The following MBP variants were observed in gnomAD, a reference collection of about 807,000 sequenced individuals.
MBP encodes the protein Golli-MBP.
In MBP, 16 loss-of-function variants were observed where a neutral mutation model predicts 35.8. The observed-to-expected ratio is 0.45, with a 90% confidence interval of 0.30 to 0.68. The LOEUF (loss-of-function observed/expected upper bound fraction) is 0.68. MBP is among the 30% of genes least tolerant of loss of function. MBP has a pLI of 0.08. For missense variants in MBP, 380 were observed against 404.7 expected (o/e 0.94, Z 0.52); for synonymous variants, 143 against 159.6 (o/e 0.90, Z 0.78).
rs60600826 is a variant in MBP at position 77,084,431 on chromosome 18, C to CACACACACACACACACACACACA, written c.52-18047_52-18046insTGTGTGTGTGTGTGTGTGTGTGT. Among the ~76,000 whole-genome samples the CACACACACACACACACACACACA allele has an allele frequency of 3.3e-4, 35 of 105,886 alleles. 1 individual carries two copies. Among genetic ancestry groups the CACACACACACACACACACACACA allele is most frequent in the Non-Finnish European group, 5.0e-4 (25 of 50,314 alleles). 69.5% of individuals were successfully genotyped at this position (105,886 alleles called of 152,430 possible). A position where few individuals can be genotyped will look rare whatever the true frequency, so the allele number is the denominator to read the frequency against. ...ACACCGCCCCCCCCGCCACACCACACCACACACACACACACACACACACAC... is the reference window on the plus strand; with the variant it reads ...ACACCGCCCCCCCCGCCACACCACACACACACACACACACACACACACACACACACACACACACACACACACAC... On this transcript the variant is annotated intron_variant, in intron 2 of 8. Transcript: ENST00000355994.
intron 4 of MBP, among the ~76,000 whole-genome samples, chr18:76,999,065 C>T (rs1355188398): frequency 2.6e-5 from 4 of 151,716 alleles, no homozygotes; most frequent in African/African-American, 9.7e-5. Flanking sequence ...GGGGAGTGGG[C>T]ACTTATCATT....
At position 77,101,340 on chromosome 18, in the gene MBP, G is replaced by C. The variant is rs1389918946; in HGVS notation, c.51+3871C>G. Among the ~76,000 whole-genome samples the C allele has an allele frequency of 6.6e-6, 1 of 152,218 alleles. No individual in the cohort carries two copies. The highest frequency in any genetic ancestry group is 1.5e-5 in the Non-Finnish European group (1 of 68,024). On this transcript the variant is annotated intron_variant, in intron 2 of 8. Coordinates refer to ENST00000355994, the MANE Select transcript of MBP (RefSeq NM_001025101.2). The surrounding 1 kb of genome is among the most constrained non-coding windows in gnomAD (Gnocchi z 4.3). ...GAAAGCTGGTAAATTAGTGAGGCAG[G>C]ACCATTTGGAAACCAAATTTCCCTG...
At chr18:77,038,281 T>C (rs1972854937) in intron 3 of MBP, among the ~76,000 whole-genome samples, 2 of 152,246 alleles carry the variant, frequency 1.3e-5, no homozygotes, top group South Asian at 4.1e-4. Context: ...GGGCAAGTTC[T>C]GCAATAATTC....
intron 1 of MBP, among the ~76,000 whole-genome samples, chr18:77,117,296 G>A (rs1451985619): frequency 6.6e-6 from 1 of 152,212 alleles, no homozygotes; most frequent in African/African-American, 2.4e-5. Context: ...CATGCATGGT[G>A]TATGTTATGA....
In MBP at chr18:77,045,404, G is replaced by GT. The variant is rs1390374482; in HGVS notation, c.139+20893_139+20894insA. Among the ~76,000 whole-genome samples, 7 of 151,044 alleles carry GT rather than the reference G, an allele frequency of 4.6e-5. 1 individual carries two copies. In the East Asian group the frequency reaches 5.8e-4, roughly 13 times the overall value. On this transcript the variant is annotated intron_variant, in intron 3 of 8. Transcript: ENST00000355994. ...CAGCACCTGCCTGCACCAGGTCAGG[G>GT]CCTCTGGAGCCTGGCTGCCAGCAGA...
At chr18:77,116,691 T>C (rs986048692) in intron 1 of MBP, among the ~76,000 whole-genome samples, 1 of 152,168 alleles carries the variant, frequency 6.6e-6, no homozygotes, top group East Asian at 1.9e-4. Flanking sequence ...AAACCCCGTC[T>C]CTGCTAAAAA....
At chr18:77,061,289 G>C (rs1973967645) in intron 3 of MBP, among the ~76,000 whole-genome samples, 1 of 152,204 alleles carries the variant, frequency 6.6e-6, no homozygotes, top group Non-Finnish European at 1.5e-5. Context: ...CTTTGTCTGT[G>C]ATAAAAATTT....
Position 77,052,122 on chromosome 18 carries a change from C to G in MBP, c.139+14176G>C, listed in dbSNP as rs549208282. ...TGCCCTCTGAGCCAGAGTCTTCCTC[C>G]GATGTGCCCAAGTCCACCCGACCAG... is the stretch of plus-strand genomic sequence containing the variant. On this transcript the variant is annotated intron_variant, in intron 3 of 8. Transcript: ENST00000355994. Among the ~76,000 whole-genome samples, 3 of 152,274 alleles carry G rather than the reference C, an allele frequency of 2.0e-5. 1 individual carries two copies. The highest frequency in any genetic ancestry group is 7.2e-5 in the African/African-American group (3 of 41,544).
intron 4 of MBP, among the ~76,000 whole-genome samples, chr18:76,997,948 C>T (rs1970402118): frequency 6.6e-6 from 1 of 152,002 alleles, no homozygotes; most frequent in East Asian, 1.9e-4. Context: ...TCCCAAAGTG[C>T]TGGGATTACA....
intron 2 of MBP, among the ~76,000 whole-genome samples, chr18:77,094,769 G>A (rs747830854): frequency 1.3e-5 from 2 of 152,224 alleles, no homozygotes; most frequent in East Asian, 1.9e-4. Flanking sequence ...CCAGCACACA[G>A]GAGAGCTCTG....
chr18:77,122,577 C>T (rs568063942), intron 1 of MBP, among the ~76,000 whole-genome samples: 1 of 152,350 alleles, frequency 6.6e-6, no homozygotes, highest in East Asian at 1.9e-4. Context: ...GAATCTTGCT[C>T]TGTCACTCAG....
chr18:76,980,750 G>T, intron 8 of MBP: 1 of 428,436 alleles, frequency 2.3e-6, no homozygotes, highest in Admixed American at 3.9e-5. Flanking sequence ...GCAAAACAAC[G>T]CTGCACTTCT....
intron 3 of MBP, among the ~76,000 whole-genome samples, chr18:77,054,622 T>G (rs1235061852): frequency 6.6e-6 from 1 of 152,214 alleles, no homozygotes; most frequent in Non-Finnish European, 1.5e-5. Context: ...GTATCAGAGC[T>G]TCCCTGGGTC....
chr18:77,005,592 T>C (rs1970916943), intron 4 of MBP: 2 of 152,228 alleles, frequency 1.3e-5, no homozygotes, highest in Admixed American at 1.3e-4. Flanking sequence ...CATGGGGCTT[T>C]TGAGGCTTGA....
Position 77,018,532 on chromosome 18 carries a change from C to T in MBP, c.140-1264G>A, listed in dbSNP as rs185936177. ...ATCTATCCATCCATCCATACACACA[C>T]CCACCTACCCATCCATCTATCCATC... On this transcript the variant is annotated intron_variant, in intron 3 of 8. Transcript: ENST00000355994. Among the ~76,000 whole-genome samples the T allele has an allele frequency of 5.1e-3, 737 of 145,104 alleles. 6 individuals are homozygous for T. The highest frequency in any genetic ancestry group is 0.032 in the Middle Eastern group (8 of 248).
intron 2 of MBP, among the ~76,000 whole-genome samples, chr18:77,103,747 C>G (rs7232929): frequency 0.32 from 48,197 of 151,916 alleles, 9,187 homozygotes; most frequent in Non-Finnish European, 0.43. Flanking sequence ...AGACAGACAG[C>G]TAGGACCCCT....
chr18:77,028,124 A>G (rs1470400493), intron 3 of MBP, among the ~76,000 whole-genome samples: 11 of 149,248 alleles, frequency 7.4e-5, no homozygotes, highest in African/African-American at 2.5e-4. Context: ...TTTCCTAGGC[A>G]GAGGACCCTG....
rs796702904 is a variant in MBP at position 77,018,708 on chromosome 18, A to G, written c.140-1440T>C. On this transcript the variant is annotated intron_variant, in intron 3 of 8. Coordinates refer to ENST00000355994, the MANE Select transcript of MBP (RefSeq NM_001025101.2). ...TTCCATCCATCCCCCATCCACTCAT[A>G]CATCCATTCATCCATCCATCCACCC... Among the ~76,000 whole-genome samples, 9 of 95,550 alleles carry G rather than the reference A, an allele frequency of 9.4e-5. 3 individuals are homozygous for G. Among genetic ancestry groups the G allele is most frequent in the African/African-American group, 3.5e-4 (9 of 25,842 alleles). The allele number at this position is 95,550 out of a possible 152,430, so 62.7% of individuals were successfully genotyped here.
intron 7 of MBP, chr18:76,985,841 T>C: frequency 1.0e-6 from 1 of 988,634 alleles, no homozygotes; most frequent in Non-Finnish European, 1.2e-6. Flanking sequence ...AGCTCTGGGC[T>C]TTGGTGCCAG....
Sources: allele counts gnomAD v4.1 joint callset (sites outside exome capture counted in the v4.1 genomes callset), GRCh38; gene constraint gnomAD v4.1.1; non-coding constraint Gnocchi (gnomAD v3.1); transcripts MANE v1.5; gene names NCBI Gene and HGNC (gene_info 2026-07-23, HGNC 2026-07-21).